The following MACROD2 variants were observed in gnomAD, a reference collection of about 807,000 sequenced individuals.
The protein encoded by MACROD2 is mono-ADP ribosylhydrolase 2.
A neutral mutation model predicts 70.4 loss-of-function variants in MACROD2; 36 were observed. That is an observed-to-expected ratio of 0.51 (90% CI 0.39 to 0.68). The LOEUF is 0.68. Among genes scored for constraint, MACROD2 ranks in the 30% least tolerant of loss-of-function variants. MACROD2 has a pLI of 0.00. For missense variants in MACROD2, 496 were observed against 538.4 expected (o/e 0.92, Z 0.78); for synonymous variants, 172 against 178.8 (o/e 0.96, Z 0.30).
At chr20:15,701,849 T>C (rs963523175) in intron 8 of MACROD2, among the ~76,000 whole-genome samples, 19 of 152,192 alleles carry the variant, frequency 1.2e-4, no homozygotes, top group African/African-American at 4.6e-4. Context: ...TAGTGTCTAT[T>C]ATTCACATCT....
chr20:15,332,647 G>A (rs966475173), intron 6 of MACROD2, among the ~76,000 whole-genome samples: 5 of 151,212 alleles, frequency 3.3e-5, no homozygotes, highest in Admixed American at 2.0e-4. Context: ...TTCATGAGAC[G>A]ATATATGACG....
At chr20:15,344,290 A>G (rs965092514) in intron 6 of MACROD2, among the ~76,000 whole-genome samples, 3 of 152,148 alleles carry the variant, frequency 2.0e-5, no homozygotes, top group Non-Finnish European at 4.4e-5. Flanking sequence ...GGTACTGTCC[A>G]ATCTATATAC....
chr20:15,903,685 A>C (rs1352087740), intron 10 of MACROD2, among the ~76,000 whole-genome samples: 2 of 152,198 alleles, frequency 1.3e-5, no homozygotes, highest in East Asian at 3.9e-4. Context: ...TGGCCACTGT[A>C]AGAACTTTGA....
intron 3 of MACROD2, among the ~76,000 whole-genome samples, chr20:14,118,669 C>T (rs1270594932): frequency 6.6e-6 from 1 of 152,066 alleles, no homozygotes; most frequent in Non-Finnish European, 1.5e-5. Flanking sequence ...TTATTCTACC[C>T]TTCTTCCAAA....
At chr20:15,797,084 A>C (rs986041083) in intron 8 of MACROD2, among the ~76,000 whole-genome samples, 2 of 151,974 alleles carry the variant, frequency 1.3e-5, no homozygotes, top group African/African-American at 4.8e-5. Flanking sequence ...TAGCAACCTG[A>C]CCTTTTAGGG....
At chr20:14,107,814 A>G (rs1034406245) in intron 3 of MACROD2, among the ~76,000 whole-genome samples, 1 of 152,150 alleles carries the variant, frequency 6.6e-6, no homozygotes, top group Non-Finnish European at 1.5e-5. Context: ...TGAAGGAGAA[A>G]GAAAGACCTT....
chr20:14,776,377 TTCTCTTCCAAGG>T (rs2072234673), intron 5 of MACROD2, among the ~76,000 whole-genome samples: 1 of 152,074 alleles, frequency 6.6e-6, no homozygotes. Context: ...AGTTATATTG[TTCTCTTCCAAGG>T]CTGTTGGTGA....
chr20:14,578,054 C>T (rs1034304650), intron 4 of MACROD2, among the ~76,000 whole-genome samples: 1 of 151,940 alleles, frequency 6.6e-6, no homozygotes, highest in Non-Finnish European at 1.5e-5. Context: ...TAGTCTATGA[C>T]TTGCCACCTT....
intron 15 of MACROD2, among the ~76,000 whole-genome samples, chr20:16,015,922 A>G (rs1160974995): frequency 6.6e-6 from 1 of 152,130 alleles, no homozygotes. Context: ...GTATTTTTAA[A>G]TATATTATGA....
chr20:14,556,737 A>G (rs1176751700), intron 4 of MACROD2, among the ~76,000 whole-genome samples: 1 of 152,102 alleles, frequency 6.6e-6, no homozygotes, highest in African/African-American at 2.4e-5. Context: ...GAAAAGATAA[A>G]GAAATCAAGA....
intron 2 of MACROD2, among the ~76,000 whole-genome samples, chr20:14,050,767 C>T (rs538197749): frequency 6.6e-6 from 1 of 151,752 alleles, no homozygotes; most frequent in African/African-American, 2.4e-5. Flanking sequence ...TTCTCAGAAA[C>T]GAAAAATCTG....
At chr20:15,739,445 A>G (rs529920770) in intron 8 of MACROD2, among the ~76,000 whole-genome samples, 2 of 152,218 alleles carry the variant, frequency 1.3e-5, no homozygotes, top group Non-Finnish European at 2.9e-5. Context: ...TTAAAGGGTA[A>G]GGAGGCATAG....
intron 3 of MACROD2, among the ~76,000 whole-genome samples, chr20:14,232,633 A>G (rs1326702283): frequency 6.6e-6 from 1 of 152,208 alleles, no homozygotes; most frequent in African/African-American, 2.4e-5. Flanking sequence ...AATTGAAGAG[A>G]CTTCGGGCTT....
At position 15,518,727 on chromosome 20, in the gene MACROD2, G is replaced by A. The variant is rs149578444; in HGVS notation, c.645+18880G>A. Among the ~76,000 whole-genome samples the A allele has an allele frequency of 5.1e-3, 782 of 152,226 alleles. 8 individuals are homozygous for A. Among genetic ancestry groups the A allele is most frequent in the African/African-American group, 0.018 (740 of 41,540 alleles). On this transcript the variant is annotated intron_variant, in intron 8 of 17. Transcript: ENST00000684519. ...ATCAGAAAGGCTTATGGCCACGTGC[G>A]GTGGCTCACACCTGTAATCCCAACA... is the stretch of plus-strand genomic sequence containing the variant.
intron 8 of MACROD2, among the ~76,000 whole-genome samples, chr20:15,540,860 G>C (rs1251610900): frequency 1.3e-5 from 2 of 152,150 alleles, no homozygotes; most frequent in Non-Finnish European, 2.9e-5. Flanking sequence ...CATCTTCACT[G>C]TGAGTTCTCC....
intron 4 of MACROD2, among the ~76,000 whole-genome samples, chr20:14,677,231 T>C (rs2070872754): frequency 6.6e-6 from 1 of 152,200 alleles, no homozygotes; most frequent in South Asian, 2.1e-4. Context: ...ATGTCCTATT[T>C]CTTTTGCCTT....
chr20:15,585,053 G>A (rs1322359712), intron 8 of MACROD2, among the ~76,000 whole-genome samples: 2 of 152,156 alleles, frequency 1.3e-5, no homozygotes, highest in Admixed American at 1.3e-4. Flanking sequence ...ACACTGCTAT[G>A]GTCCAACTTG....
At chr20:15,267,548 A>G (rs951309998) in intron 6 of MACROD2, among the ~76,000 whole-genome samples, 2 of 152,130 alleles carry the variant, frequency 1.3e-5, no homozygotes, top group African/African-American at 4.8e-5. Context: ...GATATTGAAT[A>G]AACATGGGAT....
intron 7 of MACROD2, among the ~76,000 whole-genome samples, chr20:15,488,702 A>G (rs963815445): frequency 7.2e-5 from 11 of 152,188 alleles, no homozygotes; most frequent in Non-Finnish European, 1.5e-4. Flanking sequence ...CTGCATTTTC[A>G]TCTCTCAGTA....
Sources: allele counts gnomAD v4.1 joint callset (sites outside exome capture counted in the v4.1 genomes callset), GRCh38; gene constraint gnomAD v4.1.1; transcripts MANE v1.5; gene names NCBI Gene and HGNC (gene_info 2026-07-23, HGNC 2026-07-21).